CASKIN1: variants seen among roughly 807,000 people sequenced by gnomAD.
The protein encoded by CASKIN1 is CASK interacting protein 1.
A neutral mutation model predicts 117.5 loss-of-function variants in CASKIN1; 42 were observed. The ratio of observed to expected loss-of-function variants is 0.36; its 90% CI spans 0.28 to 0.46. The LOEUF (loss-of-function observed/expected upper bound fraction) is 0.46. CASKIN1 is among the 20% of genes least tolerant of loss of function. The pLI is 1.00. For missense variants in CASKIN1, 2,083 were observed against 2,077.3 expected (o/e 1.00, Z -0.05); for synonymous variants, 1,148 against 961.7 (o/e 1.19, Z -3.59).
chr16:2,178,375 G>A lies in CASKIN1; in HGVS notation c.*175C>T. ...GCAGGGTCTGCCTAGAGCCCTTGGA[G>A]CCCCCGGCCAGGCGGTCCCCGGTGG... On this transcript the variant is annotated 3_prime_UTR_variant, in exon 20 of 20. Coordinates refer to ENST00000343516, the MANE Select transcript of CASKIN1 (RefSeq NM_020764.4). 2.1e-6 allele frequency: 1 copy of A among 467,474 alleles called. No homozygotes were observed. Among genetic ancestry groups the A allele is most frequent in the Non-Finnish European group, 3.8e-6 (1 of 265,816 alleles). The allele number at this position is 467,474 out of a possible 1,614,324, so 29.0% of individuals were successfully genotyped here. A position where few individuals can be genotyped will look rare whatever the true frequency, so the allele number is the denominator to read the frequency against.
intron 16 of CASKIN1, among the ~76,000 whole-genome samples, chr16:2,183,115 T>C (rs994607618): frequency 2.0e-5 from 3 of 152,206 alleles, no homozygotes; most frequent in East Asian, 1.9e-4. Flanking sequence ...CGATTGGCCA[T>C]GGCGTGTGCA....
At position 2,180,868 on chromosome 16, in the gene CASKIN1, A is replaced by C; in HGVS notation, c.2500T>G (p.Tyr834Asp). 1 of 1,416,226 alleles carries C rather than the reference A, an allele frequency of 7.1e-7. No individual in the cohort carries two copies. The highest frequency in any genetic ancestry group is 9.2e-7 in the Non-Finnish European group (1 of 1,092,372). 87.7% of individuals were successfully genotyped at this position (1,416,226 alleles called of 1,614,324 possible). The change falls in exon 18 of 20, where the codon TAC becomes GAC. Residue 834 changes from tyrosine (Y) to aspartate (D), a missense_variant. Transcript: ENST00000343516. ...CCCTCCACGGGCTGGGGCAGCACGT[A>C]GGCAAAGCCGCGGTGCGTCGGTGAC... ...PQSPTHRGFA[Y>D]VLPQPVEGEV...
In CASKIN1 at chr16:2,190,422, A is replaced by G; in HGVS notation, c.95-64T>C. ...CAGCCCCTCCAGGCGGCCTGAGGGC[A>G]GGGAGAGGGGGCCAGCCATCTCCCC... On this transcript the variant is annotated intron_variant, in intron 1 of 19. Transcript: ENST00000343516. The G allele has an allele frequency of 2.7e-6, 4 of 1,459,272 alleles. No individual in the cohort carries two copies. In the South Asian group the frequency reaches 3.7e-5, roughly 13 times the overall value. 90.4% of individuals were successfully genotyped at this position (1,459,272 alleles called of 1,614,324 possible). A position where few individuals can be genotyped will look rare whatever the true frequency, so the allele number is the denominator to read the frequency against.
chr16:2,186,188 C>T (rs995629329), intron 10 of CASKIN1, among the ~76,000 whole-genome samples: 4 of 152,138 alleles, frequency 2.6e-5, no homozygotes, highest in African/African-American at 9.7e-5. Flanking sequence ...AGGCTGATCT[C>T]GAACTCCTGG....
At chr16:2,190,038 C>T (rs2093196728) in intron 3 of CASKIN1, 35 bp downstream of exon 3, 7 of 1,583,478 alleles carry the variant, frequency 4.4e-6, no homozygotes, top group Non-Finnish European at 5.2e-6. Flanking sequence ...CTGCCCCCGC[C>T]CCTGCCCCCA....
In CASKIN1 at chr16:2,183,919, C is replaced by T. The variant is rs1375463616; in HGVS notation, c.1439G>A (p.Trp480Ter). The T allele has an allele frequency of 6.2e-7, 1 of 1,607,512 alleles. No homozygotes were observed. The highest frequency in any genetic ancestry group is 2.2e-5 in the East Asian group (1 of 44,794). ...EGKSSEAVSQ[W>*]LTAFQLQLYA... ...GAGCTGCAGCTGGAACGCGGTGAGC[C>T]ACTGGCTCACGGCCTCAGAGCTCTG... is the stretch of plus-strand genomic sequence containing the variant. Residue 480 changes from tryptophan to a stop codon, truncating the protein, a stop_gained, in exon 15 of 20, where the codon TGG becomes TAG. Transcript: ENST00000343516. LOFTEE classifies it high-confidence loss of function.
chr16:2,195,186 C>A (rs1183767906), intron 1 of CASKIN1, among the ~76,000 whole-genome samples: 2 of 152,246 alleles, frequency 1.3e-5, no homozygotes, highest in Non-Finnish European at 2.9e-5. Flanking sequence ...CCGGTGCCCC[C>A]TCTCTCTTAC....
Position 2,185,129 on chromosome 16 carries a change from C to CGCGTGTAGG in CASKIN1, c.1212_1220dup (p.Leu405_Ala407dup). 6.2e-7 allele frequency: 1 copy of CGCGTGTAGG among 1,609,062 alleles called. No individual in the cohort carries two copies. On this transcript the variant is annotated inframe_insertion, in exon 12 of 20. Transcript: ENST00000343516. ...CACCTACCTTGACGCCTTCAGAGCC[C>CGCGTGTAGG]GCGTGTAGGGCGTGACCCCCGCTGC...
rs1301378143 is a variant in CASKIN1, at chr16:2,181,547, C to T, written c.1821G>A (p.Lys607=). 4 of 1,592,888 alleles carry T rather than the reference C, an allele frequency of 2.5e-6. No homozygotes were observed. The highest frequency in any genetic ancestry group is 3.4e-6 in the Non-Finnish European group (4 of 1,171,514). Residue 607 remains lysine, a synonymous_variant, in exon 18 of 20, where the codon AAG becomes AAA. Coordinates refer to ENST00000343516, the MANE Select transcript of CASKIN1 (RefSeq NM_020764.4). ...CCCCCTCATACTTGGCGTATTCAGCCTTCTGCAGCTCTGCCAGCTTCCTCA... is the reference window on the plus strand; with the variant it reads ...CCCCCTCATACTTGGCGTATTCAGCTTTCTGCAGCTCTGCCAGCTTCCTCA... The part of the protein sequence containing the change: ...LAVRKLAELQ[K]AEYAKYEGGP...
rs954483137 is a variant in CASKIN1 at position 2,177,411 on chromosome 16, G to A, written c.*1139C>T. The A allele has an allele frequency of 8.6e-6, 2 of 232,628 alleles. No homozygotes were observed. The highest frequency in any genetic ancestry group is 1.7e-5 in the Non-Finnish European group (2 of 117,690). The allele number at this position is 232,628 out of a possible 1,614,324, so 14.4% of individuals were successfully genotyped here. A position where few individuals can be genotyped will look rare whatever the true frequency, so the allele number is the denominator to read the frequency against. On this transcript the variant is annotated 3_prime_UTR_variant, in exon 20 of 20. Transcript: ENST00000343516. Reference sequence around the variant, plus strand: ...CCCCACACCACAATCGCTGGTTTTCGGCATTTTTTAAATTTTTTTTTTAAG... The same window carrying A: ...CCCCACACCACAATCGCTGGTTTTCAGCATTTTTTAAATTTTTTTTTTAAG...
intron 1 of CASKIN1, among the ~76,000 whole-genome samples, chr16:2,191,446 G>A (rs1428092905): frequency 6.6e-6 from 1 of 152,208 alleles, no homozygotes; most frequent in African/African-American, 2.4e-5. Flanking sequence ...ACCAGCCTGT[G>A]TCCTTGGCTG....
In CASKIN1 at chr16:2,179,117, G is replaced by A. The variant is rs2093156974; in HGVS notation, c.3984C>T (p.Pro1328=). 9.9e-7 allele frequency: 1 copy of A among 1,009,372 alleles called. No homozygotes were observed. The highest frequency in any genetic ancestry group is 4.5e-5 in the South Asian group (1 of 22,282). The allele number at this position is 1,009,372 out of a possible 1,614,324, so 62.5% of individuals were successfully genotyped here. ...PPSLGASPAK[P]PSPGAPALHV... is the part of the protein sequence containing the mutation. Reference sequence around the variant, plus strand: ...GCAGCGCGGGCGCGCCGGGGGACGGGGGCTTGGCGGGGCTGGCGCCCAGCG... The same window carrying A: ...GCAGCGCGGGCGCGCCGGGGGACGGAGGCTTGGCGGGGCTGGCGCCCAGCG... Residue 1328 remains proline, a synonymous_variant, in exon 19 of 20, where the codon CCC becomes CCT. Transcript: ENST00000343516. This position sits in a 1 kb window ranked among gnomAD's most constrained non-coding sequence, Gnocchi z 5.8.
rs372773461 is a variant in CASKIN1, at chr16:2,184,952, T to C, written c.1323A>G (p.Ala441=). The C allele has an allele frequency of 1.9e-5, 31 of 1,601,574 alleles. No individual in the cohort carries two copies. The African/African-American group carries it at 2.3e-4, about 12-fold the overall frequency. Reference sequence around the variant, plus strand: ...GCGTGGCAGCACCCTTGCTCTTACCTGCAGAGCCTTCCGGAGGCTTGGCGG... The same window carrying C: ...GCGTGGCAGCACCCTTGCTCTTACCCGCAGAGCCTTCCGGAGGCTTGGCGG... ...DSPAKPPEGS[A]GVARSQPPVA... is the part of the protein sequence containing the mutation. Residue 441 remains alanine (A), a splice_region_variant and synonymous_variant, in exon 13 of 20, where the codon GCA becomes GCG. Transcript: ENST00000343516.
chr16:2,188,096 T>A (rs1457233985), intron 6 of CASKIN1, among the ~76,000 whole-genome samples: 2 of 151,464 alleles, frequency 1.3e-5, no homozygotes, highest in Non-Finnish European at 2.9e-5. Context: ...CGTCTTGCTA[T>A]GTTGCCCAGG....
intron 5 of CASKIN1, 34 bp downstream of exon 5, chr16:2,189,204 A>G (rs777898594): frequency 1.1e-5 from 17 of 1,612,644 alleles, no homozygotes; most frequent in South Asian, 4.4e-5. Context: ...GGGGCTCCCC[A>G]GCCCCACCCC....
chr16:2,184,822 A>G lies in CASKIN1; in HGVS notation c.1371T>C (p.Tyr457=), dbSNP rs1477396636. The stretch of plus-strand genomic sequence containing the variant: ...CCAGCTTCTTGGGCGGCTGCTCCCC[A>G]TAGACCTGCCCGGCGTGGGCCACTG... ...QPPVAHAGQV[Y]GEQPPKKLEP... is the part of the protein sequence containing the mutation. The change falls in exon 14 of 20, where the codon TAT becomes TAC. Residue 457 remains tyrosine (Y), a synonymous_variant. Coordinates refer to ENST00000343516, the MANE Select transcript of CASKIN1 (RefSeq NM_020764.4). The G allele has an allele frequency of 6.4e-7, 1 of 1,554,728 alleles. No individual in the cohort carries two copies. Among genetic ancestry groups the G allele is most frequent in the Admixed American group, 2.0e-5 (1 of 50,634 alleles).
At chr16:2,190,819 ATC>A (rs2093199582) in intron 1 of CASKIN1, among the ~76,000 whole-genome samples, 1 of 152,158 alleles carries the variant, frequency 6.6e-6, no homozygotes, top group Admixed American at 6.5e-5. Context: ...AAATGGGGGT[ATC>A]TCTGGGGGAG....
At position 2,189,579 on chromosome 16, in the gene CASKIN1, G is replaced by C. The variant is rs1005234952; in HGVS notation, c.245-15C>G. ...CGGCCGCATGCCTGGGGGGCGAGGGGATGCTGGGAGCTGACCCTTGACCCC... is the reference window on the plus strand; with the variant it reads ...CGGCCGCATGCCTGGGGGGCGAGGGCATGCTGGGAGCTGACCCTTGACCCC... On this transcript the variant is annotated splice_polypyrimidine_tract_variant and intron_variant, in intron 3 of 19. Transcript: ENST00000343516. The C allele has an allele frequency of 1.3e-6, 2 of 1,587,376 alleles. No homozygotes were observed. Among genetic ancestry groups the C allele is most frequent in the African/African-American group, 2.7e-5 (2 of 74,446 alleles).
chr16:2,183,753 C>T lies in CASKIN1; in HGVS notation c.1528-6G>A, dbSNP rs765757995. ...ACACCAATGGCCGTGAGGTCCTAGG[C>T]AGTGGGGAGGCTTGTCAGCTAGGGG... On this transcript the variant is annotated splice_polypyrimidine_tract_variant and splice_region_variant and intron_variant, in intron 15 of 19. Coordinates refer to ENST00000343516, the MANE Select transcript of CASKIN1 (RefSeq NM_020764.4). 2.5e-6 allele frequency: 4 copies of T among 1,613,232 alleles called. No individual in the cohort carries two copies. Among genetic ancestry groups the T allele is most frequent in the Non-Finnish European group, 3.4e-6 (4 of 1,179,922 alleles).
Sources: gnomAD v4.1 joint callset for allele counts (sites outside exome capture counted in the v4.1 genomes callset) on GRCh38, gnomAD v4.1.1 for gene constraint, Gnocchi (gnomAD v3.1) non-coding constraint, MANE v1.5 for transcripts, NCBI Gene and HGNC (gene_info 2026-07-23, HGNC 2026-07-21) for gene names.